Variants in ADAMTS20 observed in about 807,000 individuals in gnomAD.
ADAMTS20 encodes A disintegrin and metalloproteinase with thrombospondin motifs 20.
Under a neutral mutation model 260.1 loss-of-function variants are expected in ADAMTS20, and 225 were observed. The observed-to-expected ratio is 0.87, with a 90% CI of 0.78 to 0.97. The LOEUF (loss-of-function observed/expected upper bound fraction) is 0.97. Ranked by LOEUF, ADAMTS20 falls within the 50% of genes least tolerant of loss-of-function variation. ADAMTS20 has a pLI of 0.00. For synonymous variants in ADAMTS20, 802 were observed against 769.5 expected (o/e 1.04, Z -0.70); for missense variants, 2,400 against 2,337.7 (o/e 1.03, Z -0.55).
At chr12:43,455,853 C>T (rs10880499) in intron 11 of ADAMTS20, among the ~76,000 whole-genome samples, 48,724 of 151,838 alleles carry the variant, frequency 0.32, 8,491 homozygotes, top group East Asian at 0.75. Context: ...GGACTACAGG[C>T]GCACGCCACC....
intron 3 of ADAMTS20, among the ~76,000 whole-genome samples, chr12:43,522,149 A>T (rs1943080588): frequency 6.6e-6 from 1 of 152,170 alleles, no homozygotes; most frequent in South Asian, 2.1e-4. Flanking sequence ...AGGCCTCAGG[A>T]AACTTACAAT....
At chr12:43,519,096 A>C (rs1165280504) in intron 3 of ADAMTS20, among the ~76,000 whole-genome samples, 1 of 152,060 alleles carries the variant, frequency 6.6e-6, no homozygotes, top group Non-Finnish European at 1.5e-5. Flanking sequence ...TGATTATGTC[A>C]TTACTATGCT....
chr12:43,383,516 T>C (rs539401550), intron 31 of ADAMTS20, 42 bp downstream of exon 31: 2 of 1,554,340 alleles, frequency 1.3e-6, no homozygotes, highest in African/African-American at 2.7e-5. Flanking sequence ...CCAGCTGTTT[T>C]ATCAAGGAGC....
chr12:43,513,685 G>A (rs1017841948), intron 3 of ADAMTS20, among the ~76,000 whole-genome samples: 1 of 152,020 alleles, frequency 6.6e-6, no homozygotes. Context: ...TGATAGACTG[G>A]ATTAAGAAAA....
chr12:43,491,120 C>T (rs1250685495), intron 6 of ADAMTS20, among the ~76,000 whole-genome samples: 1 of 152,074 alleles, frequency 6.6e-6, no homozygotes, highest in Non-Finnish European at 1.5e-5. Context: ...TATATGACAT[C>T]GGTCCTATAA....
At chr12:43,520,614 A>G (rs763801484) in intron 3 of ADAMTS20, among the ~76,000 whole-genome samples, 1 of 152,194 alleles carries the variant, frequency 6.6e-6, no homozygotes, top group Non-Finnish European at 1.5e-5. Flanking sequence ...GTAGAAGGTC[A>G]TAAGTGATCT....
At chr12:43,514,279 T>C (rs1304123920) in intron 3 of ADAMTS20, among the ~76,000 whole-genome samples, 1 of 151,574 alleles carries the variant, frequency 6.6e-6, no homozygotes, top group Non-Finnish European at 1.5e-5. Context: ...AGAAATGCTT[T>C]TCCGGCCAGG....
At chr12:43,530,718 T>G (rs1943209288) in intron 3 of ADAMTS20, among the ~76,000 whole-genome samples, 1 of 152,150 alleles carries the variant, frequency 6.6e-6, no homozygotes, top group Non-Finnish European at 1.5e-5. Flanking sequence ...TGTCATTCTA[T>G]GAATCATGAA....
intron 37 of ADAMTS20, among the ~76,000 whole-genome samples, chr12:43,359,234 T>C (rs1939816406): frequency 6.6e-6 from 1 of 152,144 alleles, no homozygotes; most frequent in South Asian, 2.1e-4. Context: ...AGGAATTCAA[T>C]AAATTGGAAT....
intron 15 of ADAMTS20, among the ~76,000 whole-genome samples, chr12:43,445,236 G>T (rs945463228): frequency 2.0e-5 from 3 of 152,038 alleles, no homozygotes; most frequent in Non-Finnish European, 4.4e-5. Flanking sequence ...ATTTTCACAA[G>T]ATTACATATT....
intron 2 of ADAMTS20, among the ~76,000 whole-genome samples, chr12:43,548,158 C>T (rs1441500931): frequency 6.6e-6 from 1 of 152,090 alleles, no homozygotes; most frequent in Non-Finnish European, 1.5e-5. Flanking sequence ...CTACAACATC[C>T]ATTCATGATT....
chr12:43,373,670 C>CTTTT (rs71091149), intron 36 of ADAMTS20, among the ~76,000 whole-genome samples: 7 of 71,262 alleles, frequency 9.8e-5, no homozygotes, highest in Admixed American at 6.0e-4. Context: ...AATATCATCT[C>CTTTT]TTTTTTTTTT....
At chr12:43,406,837 G>A (rs944875442) in intron 28 of ADAMTS20, among the ~76,000 whole-genome samples, 8 of 151,942 alleles carry the variant, frequency 5.3e-5, no homozygotes, top group Non-Finnish European at 1.0e-4. Context: ...CATTAAAGTA[G>A]CTATAATAGA....
At chr12:43,366,783 T>A (rs1048936678) in intron 37 of ADAMTS20, among the ~76,000 whole-genome samples, 1 of 151,816 alleles carries the variant, frequency 6.6e-6, no homozygotes, top group Non-Finnish European at 1.5e-5. Context: ...TATTTTGGGA[T>A]GCAACAAAAG....
intron 7 of ADAMTS20, among the ~76,000 whole-genome samples, chr12:43,478,367 G>A (rs974369720): frequency 6.6e-6 from 1 of 151,594 alleles, no homozygotes; most frequent in Non-Finnish European, 1.5e-5. Context: ...AATGAAGCAC[G>A]AAGAGAAAAA....
chr12:43,440,990 G>A (rs1205144201), intron 16 of ADAMTS20, among the ~76,000 whole-genome samples: 3 of 151,520 alleles, frequency 2.0e-5, no homozygotes, highest in East Asian at 1.9e-4. Flanking sequence ...GCGTGAACCC[G>A]GGAGGCGGAG....
intron 3 of ADAMTS20, among the ~76,000 whole-genome samples, chr12:43,503,204 C>T (rs946657917): frequency 6.6e-6 from 1 of 152,058 alleles, no homozygotes; most frequent in Non-Finnish European, 1.5e-5. Flanking sequence ...TCATTTTGTT[C>T]CTCTCCTTTC....
Position 43,544,807 on chromosome 12 carries a change from C to A in ADAMTS20, c.453+6102G>T, listed in dbSNP as rs546386875. ...CCACAAGATCATTCAGTCATTTAAA[C>A]CAGAGTCATTAAAACTTTTTGGTCT... On this transcript the variant is annotated intron_variant, in intron 2 of 38. Transcript: ENST00000389420. 4.6e-5 allele frequency among the ~76,000 whole-genome samples: 7 copies of A among 152,256 alleles called. No homozygotes were observed. In the East Asian group the frequency reaches 1.4e-3, roughly 29 times the overall value.
rs954574887 is a variant in ADAMTS20 at position 43,441,972 on chromosome 12, A to G, written c.2290+1819T>C. Reference sequence around the variant, plus strand: ...CAAAGATCTATATTTAGTCTATGACATAGACATTCCTCTATTTAAGAATCT... The same window carrying G: ...CAAAGATCTATATTTAGTCTATGACGTAGACATTCCTCTATTTAAGAATCT... On this transcript the variant is annotated intron_variant, in intron 16 of 38. Coordinates refer to ENST00000389420, the MANE Select transcript of ADAMTS20 (RefSeq NM_025003.5). 2.2e-4 allele frequency among the ~76,000 whole-genome samples: 33 copies of G among 152,344 alleles called. 1 individual carries two copies. The highest frequency in any genetic ancestry group is 7.9e-4 in the African/African-American group (33 of 41,582).
Sources: allele counts gnomAD v4.1 joint callset (sites outside exome capture counted in the v4.1 genomes callset), GRCh38; gene constraint gnomAD v4.1.1; transcripts MANE v1.5; gene names NCBI Gene and HGNC (gene_info 2026-07-23, HGNC 2026-07-21).